PCCA: variants seen among roughly 807,000 people sequenced by gnomAD.
The protein encoded by PCCA is propionyl-CoA carboxylase subunit alpha, also known as propionyl-CoA carboxylase alpha chain, mitochondrial.
In PCCA, 74 loss-of-function variants were observed where a neutral mutation model predicts 101.3. That is an observed-to-expected ratio of 0.73 (90% CI 0.61 to 0.89). PCCA has a LOEUF of 0.89. Among genes scored for constraint, PCCA ranks in the 40% least tolerant of loss-of-function variants. The pLI, the probability that PCCA is intolerant of heterozygous loss-of-function variation, is 0.00. For synonymous variants in PCCA, 294 were observed against 313.6 expected (o/e 0.94, Z 0.66); for missense variants, 891 against 907.0 (o/e 0.98, Z 0.23).
intron 4 of PCCA, among the ~76,000 whole-genome samples, chr13:100,121,469 CTT>C (rs58893932): frequency 0.13 from 17,405 of 131,976 alleles, 1,274 homozygotes; most frequent in African/African-American, 0.21. Flanking sequence ...CCTTAGGATT[CTT>C]TTTTTTTTTT....
At chr13:100,254,995 A>T (rs1406810417) in intron 8 of PCCA, among the ~76,000 whole-genome samples, 1 of 151,518 alleles carries the variant, frequency 6.6e-6, no homozygotes, top group African/African-American at 2.4e-5. Context: ...CTGAGGTGGG[A>T]GGGTTGCTTG....
rs773301690 is a variant in PCCA, at chr13:100,209,430, T to C, written c.567T>C (p.Val189=). 3.1e-6 allele frequency: 5 copies of C among 1,613,598 alleles called. No individual in the cohort carries two copies. In the East Asian group the frequency reaches 1.1e-4, roughly 36 times the overall value. The change falls in exon 7 of 24, where the codon GTT becomes GTC. Residue 189 remains valine (V), a synonymous_variant. Coordinates refer to ENST00000376285, the MANE Select transcript of PCCA (RefSeq NM_000282.4). ...AATTATTAGCTAAGAAAGCAGAGGTTAATACAATCCCTGGCTTTGATGGAG... is the reference window on the plus strand; with the variant it reads ...AATTATTAGCTAAGAAAGCAGAGGTCAATACAATCCCTGGCTTTGATGGAG... ...ESKLLAKKAE[V]NTIPGFDGVV...
At chr13:100,478,154 T>C (rs2083569525) in intron 21 of PCCA, among the ~76,000 whole-genome samples, 1 of 152,230 alleles carries the variant, frequency 6.6e-6, no homozygotes. Flanking sequence ...TGAGGACATA[T>C]TTATTTTTCT....
chr13:100,125,527 G>A (rs2049873489), intron 4 of PCCA, among the ~76,000 whole-genome samples: 2 of 152,118 alleles, frequency 1.3e-5, no homozygotes, highest in Non-Finnish European at 2.9e-5. Flanking sequence ...TTAAAAAATG[G>A]CATAATGGCT....
At chr13:100,214,728 T>C (rs1288822532) in intron 7 of PCCA, among the ~76,000 whole-genome samples, 1 of 152,104 alleles carries the variant, frequency 6.6e-6, no homozygotes, top group Non-Finnish European at 1.5e-5. Flanking sequence ...ACCTGGCCTA[T>C]AGTTTTCATT....
intron 4 of PCCA, among the ~76,000 whole-genome samples, chr13:100,131,283 C>T (rs1225641073): frequency 6.6e-6 from 1 of 152,120 alleles, no homozygotes; most frequent in Non-Finnish European, 1.5e-5. Context: ...AAGGCTGGTG[C>T]AGGGGAGGTT....
At chr13:100,235,402 C>G (rs929431305) in intron 7 of PCCA, among the ~76,000 whole-genome samples, 1 of 151,942 alleles carries the variant, frequency 6.6e-6, no homozygotes, top group Non-Finnish European at 1.5e-5. Flanking sequence ...TCTGCAAAAT[C>G]GATCAACTAC....
chr13:100,107,129 C>T (rs963204591), intron 2 of PCCA, among the ~76,000 whole-genome samples: 7 of 152,134 alleles, frequency 4.6e-5, no homozygotes, highest in Admixed American at 6.5e-5. Flanking sequence ...AATTGATTCT[C>T]GTTTGAATCT....
At chr13:100,222,739 TA>T (rs1388119075) in intron 7 of PCCA, among the ~76,000 whole-genome samples, 1 of 152,254 alleles carries the variant, frequency 6.6e-6, no homozygotes, top group Non-Finnish European at 1.5e-5. Context: ...TTTTTAAGAC[TA>T]AAGTCTTTTC....
chr13:100,487,194 A>G (rs1490934901), intron 21 of PCCA, among the ~76,000 whole-genome samples: 1 of 152,226 alleles, frequency 6.6e-6, no homozygotes, highest in Non-Finnish European at 1.5e-5. Context: ...TGATAACTCA[A>G]TCATTGTTAC....
Position 100,506,960 on chromosome 13 carries a change from T to C in PCCA, c.1900-8467T>C, listed in dbSNP as rs564884374. Among the ~76,000 whole-genome samples, 46 of 152,344 alleles carry C rather than the reference T, an allele frequency of 3.0e-4. No individual in the cohort carries two copies. The South Asian group carries it at 5.4e-3, about 18-fold the overall frequency. ...CAAATTATACAGTGCTTTAAAAAGG[T>C]ACTTTCTTACCGGTTTACCAAATAC... On this transcript the variant is annotated intron_variant, in intron 21 of 23. Transcript: ENST00000376285.
intron 6 of PCCA, among the ~76,000 whole-genome samples, chr13:100,165,344 G>C (rs1354343979): frequency 5.3e-5 from 8 of 152,074 alleles, no homozygotes; most frequent in Non-Finnish European, 1.2e-4. Flanking sequence ...CAAGCTCTGG[G>C]TAATTAGTTG....
chr13:100,415,557 G>T (rs1730602669), intron 19 of PCCA, among the ~76,000 whole-genome samples: 1 of 152,098 alleles, frequency 6.6e-6, no homozygotes, highest in African/African-American at 2.4e-5. Context: ...CAACAAATCG[G>T]TTTTTTATCC....
At chr13:100,362,594 G>A (rs1410780560) in intron 18 of PCCA, among the ~76,000 whole-genome samples, 2 of 152,174 alleles carry the variant, frequency 1.3e-5, no homozygotes, top group East Asian at 3.9e-4. Context: ...CTGTGCCACA[G>A]TGCCTTTCCT....
intron 21 of PCCA, among the ~76,000 whole-genome samples, chr13:100,506,767 T>G (rs2086110134): frequency 6.6e-6 from 1 of 152,092 alleles, no homozygotes; most frequent in South Asian, 2.1e-4. Flanking sequence ...AAAGAGCATT[T>G]CAGATAGGAG....
rs150977674 is a variant in PCCA, at chr13:100,298,032, A to G, written c.1066-3428A>G. ...TTGCTCACTAAATCCCAAGATTTATATATTCACATGCTAATACGTTAACAA... is the reference window on the plus strand; with the variant it reads ...TTGCTCACTAAATCCCAAGATTTATGTATTCACATGCTAATACGTTAACAA... On this transcript the variant is annotated intron_variant, in intron 12 of 23. Coordinates refer to ENST00000376285, the MANE Select transcript of PCCA (RefSeq NM_000282.4). Among the ~76,000 whole-genome samples, 127 of 149,552 alleles carry G rather than the reference A, an allele frequency of 8.5e-4. 1 individual carries two copies. Among genetic ancestry groups the G allele is most frequent in the African/African-American group, 2.8e-3 (114 of 40,490 alleles).
At chr13:100,480,704 C>T in intron 21 of PCCA, among the ~76,000 whole-genome samples, 1 of 152,218 alleles carries the variant, frequency 6.6e-6, no homozygotes, top group Non-Finnish European at 1.5e-5. Flanking sequence ...CTCTTCCCTA[C>T]CGAGCCTTCT....
At chr13:100,227,386 T>TA (rs1294532683) in intron 7 of PCCA, among the ~76,000 whole-genome samples, 1 of 152,224 alleles carries the variant, frequency 6.6e-6, no homozygotes, top group East Asian at 1.9e-4. Flanking sequence ...TTAACTCTTT[T>TA]CACGTTTTTT....
chr13:100,354,726 A>G (rs993647427), intron 18 of PCCA, among the ~76,000 whole-genome samples: 2 of 152,218 alleles, frequency 1.3e-5, no homozygotes, highest in Admixed American at 6.5e-5. Flanking sequence ...ATTGTTTACC[A>G]ATAAACAAGA....
Sources: allele counts gnomAD v4.1 joint callset (sites outside exome capture counted in the v4.1 genomes callset), GRCh38; gene constraint gnomAD v4.1.1; transcripts MANE v1.5; gene names NCBI Gene and HGNC (gene_info 2026-07-23, HGNC 2026-07-21).